Variants in GAST observed in about 807,000 individuals in gnomAD.
The protein encoded by GAST is gastrin.
Under a neutral mutation model 12.5 loss-of-function variants are expected in GAST, and 9 were observed. The observed-to-expected ratio is 0.72, with a 90% confidence interval of 0.43 to 1.25. The LOEUF (loss-of-function observed/expected upper bound fraction) is 1.25. GAST is among the 50% of genes most tolerant of loss of function. The probability of loss-of-function intolerance (pLI) is 0.00; values close to 1 mark genes in which losing one functional copy is unlikely to be tolerated. For missense variants in GAST, 121 were observed against 127.7 expected (o/e 0.95, Z 0.25); for synonymous variants, 52 against 51.1 (o/e 1.02, Z -0.08).
rs1910956179 is a variant in GAST at position 41,715,540 on chromosome 17, G to A, written c.104G>A (p.Gly35Asp). The A allele has an allele frequency of 6.2e-7, 1 of 1,613,378 alleles. No homozygotes were observed. The highest frequency in any genetic ancestry group is 1.7e-5 in the Admixed American group (1 of 59,992). ...PRSQQPDAPL[G>D]TGANRDLELP... ...TCCCAGCAGCCAGATGCACCCTTAG[G>A]TACAGGGGCCAACAGGGACCTGGAG... Residue 35 changes from glycine (G) to aspartate (D), a missense_variant, in exon 2 of 3, where the codon GGT becomes GAT. By Grantham distance (94) the Gly-to-Asp change is moderately conservative. Coordinates refer to ENST00000329402, the MANE Select transcript of GAST (RefSeq NM_000805.5).
At chr17:41,714,660 A>G (rs1555585589) in intron 1 of GAST, among the ~76,000 whole-genome samples, 2 of 152,098 alleles carry the variant, frequency 1.3e-5, no homozygotes, top group Non-Finnish European at 2.9e-5. Context: ...CTGTAGTCCC[A>G]GCTCTTCTGG....
chr17:41,714,189 T>G (rs1176023013), intron 1 of GAST, among the ~76,000 whole-genome samples: 1 of 152,192 alleles, frequency 6.6e-6, no homozygotes, highest in Non-Finnish European at 1.5e-5. Context: ...TTTTGTTTTT[T>G]TGAGACAGGG....
At chr17:41,715,341 A>T in intron 1 of GAST, 91 bp from the exon 2 acceptor site, 1 of 880,902 alleles carries the variant, frequency 1.1e-6, no homozygotes, top group Non-Finnish European at 1.8e-6. Context: ...ATCAGCAGGT[A>T]GAGGCCTGGA....
Position 41,715,486 on chromosome 17 carries a change from C to A in GAST, c.50C>A (p.Ala17Asp), listed in dbSNP as rs782085786. ...CTGATCTTTGCACTGGCTCTGGCCGCCTTCTCTGAAGCTTCTTGGAAGCCC... is the reference window on the plus strand; with the variant it reads ...CTGATCTTTGCACTGGCTCTGGCCGACTTCTCTGAAGCTTCTTGGAAGCCC... Reference protein sequence around the residue: ...YVLIFALALAAFSEASWKPRS... With the variant: ...YVLIFALALADFSEASWKPRS... Residue 17 changes from alanine (A) to aspartate (D), a missense_variant, in exon 2 of 3, where the codon GCC (alanine) becomes GAC (aspartate). Transcript: ENST00000329402. 3 of 1,613,862 alleles carry A rather than the reference C, an allele frequency of 1.9e-6. No individual in the cohort carries two copies. The African/African-American group carries it at 4.0e-5, about 22-fold the overall frequency.
At position 41,715,960 on chromosome 17, in the gene GAST, T is replaced by G; in HGVS notation, c.*88T>G. On this transcript the variant is annotated 3_prime_UTR_variant, in exon 3 of 3. Transcript: ENST00000329402. ...AAAAACTGATCAAAAATAAACTAGT[T>G]TCCAGTGGATCAATGGACTGTGTCA... The G allele has an allele frequency of 1.5e-5, 14 of 957,388 alleles. No homozygotes were observed. Among genetic ancestry groups the G allele is most frequent in the East Asian group, 2.6e-5 (1 of 38,878 alleles). The allele number at this position is 957,388 out of a possible 1,614,324, so 59.3% of individuals were successfully genotyped here. A position where few individuals can be genotyped will look rare whatever the true frequency, so the allele number is the denominator to read the frequency against.
chr17:41,715,841 T>A lies in GAST; in HGVS notation c.275T>A (p.Phe92Tyr), dbSNP rs1180560889. 7 of 1,611,646 alleles carry A rather than the reference T, an allele frequency of 4.3e-6. No individual in the cohort carries two copies. The East Asian group carries it at 1.6e-4, about 36-fold the overall frequency. ...GAAGAAGCCTATGGATGGATGGACT[T>A]CGGCCGCCGCAGTGCTGAGGATGAG... is the stretch of plus-strand genomic sequence containing the variant. The part of the protein sequence containing the change: ...EEEEAYGWMD[F>Y]GRRSAEDEN The change falls in exon 3 of 3, where the codon TTC (phenylalanine) becomes TAC (tyrosine). Residue 92 changes from phenylalanine (F) to tyrosine (Y), a missense_variant. Phe to Tyr is a conservative substitution (Grantham distance 22, BLOSUM62 3). Coordinates refer to ENST00000329402, the MANE Select transcript of GAST (RefSeq NM_000805.5).
At chr17:41,713,380 A>T (rs1910899732) in intron 1 of GAST, among the ~76,000 whole-genome samples, 2 of 152,242 alleles carry the variant, frequency 1.3e-5, no homozygotes, top group South Asian at 4.1e-4. Flanking sequence ...AGAAAACCTA[A>T]CAGAAAACCT....
At position 41,715,830 on chromosome 17, in the gene GAST, A is replaced by T. The variant is rs535385347; in HGVS notation, c.264A>T (p.Gly88=). 1.2e-6 allele frequency: 2 copies of T among 1,612,722 alleles called. No homozygotes were observed. Among genetic ancestry groups the T allele is most frequent in the African/African-American group, 2.7e-5 (2 of 74,892 alleles). ...PWLEEEEEAY[G]WMDFGRRSAE... is the part of the protein sequence containing the mutation. ...TGGAGGAAGAAGAAGAAGCCTATGG[A>T]TGGATGGACTTCGGCCGCCGCAGTG... The change falls in exon 3 of 3, where the codon GGA becomes GGT. Residue 88 remains glycine, a synonymous_variant. Coordinates refer to ENST00000329402, the MANE Select transcript of GAST (RefSeq NM_000805.5).
intron 1 of GAST, among the ~76,000 whole-genome samples, chr17:41,714,384 G>C (rs1910921924): frequency 6.6e-6 from 1 of 152,052 alleles, no homozygotes; most frequent in Admixed American, 6.6e-5. Flanking sequence ...TGTTGCCCAG[G>C]CTGGTCTCAA....
At chr17:41,713,530 A>C (rs1555585448) in intron 1 of GAST, among the ~76,000 whole-genome samples, 1 of 152,012 alleles carries the variant, frequency 6.6e-6, no homozygotes, top group East Asian at 1.9e-4. Context: ...ATCTCTACTA[A>C]AAATAAAAAC....
In GAST at chr17:41,715,854, T is replaced by C. The variant is rs1910969996; in HGVS notation, c.288T>C (p.Ser96=). 6 of 1,608,016 alleles carry C rather than the reference T, an allele frequency of 3.7e-6. No individual in the cohort carries two copies. The highest frequency in any genetic ancestry group is 4.2e-6 in the Non-Finnish European group (5 of 1,178,012). The stretch of plus-strand genomic sequence containing the variant: ...GATGGATGGACTTCGGCCGCCGCAG[T>C]GCTGAGGATGAGAACTAACAATCCT... The part of the protein sequence containing the change: ...AYGWMDFGRR[S]AEDEN Residue 96 remains serine (S), a synonymous_variant, in exon 3 of 3, where the codon AGT becomes AGC. Coordinates refer to ENST00000329402, the MANE Select transcript of GAST (RefSeq NM_000805.5).
At chr17:41,712,448 C>G (rs1024162200) in intron 1 of GAST, 61 bp downstream of exon 1, 1 of 152,314 alleles carries the variant, frequency 6.6e-6, no homozygotes, top group Admixed American at 6.5e-5. Flanking sequence ...TCCTCTCCCC[C>G]ATCAAGGTAC....
chr17:41,715,795 G>A lies in GAST; in HGVS notation c.229G>A (p.Gly77Arg). Residue 77 changes from glycine (G) to arginine (R), a missense_variant, in exon 3 of 3, where the codon GGA (glycine) becomes AGA (arginine). Transcript: ENST00000329402. ...CTCCTCAGACCCGTCCAAGAAGCAG[G>A]GACCATGGCTGGAGGAAGAAGAAGA... Reference protein sequence around the residue: ...HLVADPSKKQGPWLEEEEEAY... With the variant: ...HLVADPSKKQRPWLEEEEEAY... 3 of 1,610,550 alleles carry A rather than the reference G, an allele frequency of 1.9e-6. No homozygotes were observed. Among genetic ancestry groups the A allele is most frequent in the Non-Finnish European group, 2.5e-6 (3 of 1,178,950 alleles).
intron 1 of GAST, among the ~76,000 whole-genome samples, chr17:41,714,607 AC>A (rs562152710): frequency 6.4e-4 from 97 of 150,882 alleles, no homozygotes; most frequent in African/African-American, 2.3e-3. Flanking sequence ...CCCTGTTTCT[AC>A]AAAAAATACA....
intron 1 of GAST, among the ~76,000 whole-genome samples, chr17:41,714,100 A>C (rs1555585525): frequency 1.3e-5 from 2 of 152,212 alleles, no homozygotes; most frequent in African/African-American, 4.8e-5. Context: ...GCAGTCTCCA[A>C]AGTGATAACA....
At chr17:41,714,512 C>A (rs1439010645) in intron 1 of GAST, among the ~76,000 whole-genome samples, 3 of 152,058 alleles carry the variant, frequency 2.0e-5, no homozygotes, top group African/African-American at 7.2e-5. Context: ...TGGCTCACAT[C>A]TGTAATCGCA....
chr17:41,715,489 T>A lies in GAST; in HGVS notation c.53T>A (p.Phe18Tyr). The change falls in exon 2 of 3, where the codon TTC (phenylalanine) becomes TAC (tyrosine). Residue 18 changes from phenylalanine to tyrosine, a missense_variant. Transcript: ENST00000329402. ...ATCTTTGCACTGGCTCTGGCCGCCTTCTCTGAAGCTTCTTGGAAGCCCCGC... is the reference window on the plus strand; with the variant it reads ...ATCTTTGCACTGGCTCTGGCCGCCTACTCTGAAGCTTCTTGGAAGCCCCGC... Reference protein sequence around the residue: ...VLIFALALAAFSEASWKPRSQ... With the variant: ...VLIFALALAAYSEASWKPRSQ... 4 of 1,613,908 alleles carry A rather than the reference T, an allele frequency of 2.5e-6. No individual in the cohort carries two copies. Among genetic ancestry groups the A allele is most frequent in the Non-Finnish European group, 3.4e-6 (4 of 1,180,008 alleles).
Position 41,715,231 on chromosome 17 carries a change from C to T in GAST, c.-5-201C>T, listed in dbSNP as rs547151182. On this transcript the variant is annotated intron_variant, in intron 1 of 2. Coordinates refer to ENST00000329402, the MANE Select transcript of GAST (RefSeq NM_000805.5). Reference sequence around the variant, plus strand: ...AGGAGAATCACTTGAACCCGGGAGGCGGAGGTTATAGTGAGCCGAGATCCC... The same window carrying T: ...AGGAGAATCACTTGAACCCGGGAGGTGGAGGTTATAGTGAGCCGAGATCCC... Among the ~76,000 whole-genome samples the T allele has an allele frequency of 6.7e-5, 10 of 150,362 alleles. No individual in the cohort carries two copies. The South Asian group carries it at 1.1e-3, about 16-fold the overall frequency.
Position 41,715,955 on chromosome 17 carries a change from C to T in GAST, c.*83C>T, listed in dbSNP as rs782698420. On this transcript the variant is annotated 3_prime_UTR_variant, in exon 3 of 3. Transcript: ENST00000329402. The stretch of plus-strand genomic sequence containing the variant: ...CCCTGAAAAACTGATCAAAAATAAA[C>T]TAGTTTCCAGTGGATCAATGGACTG... The T allele has an allele frequency of 5.4e-6, 6 of 1,111,416 alleles. No homozygotes were observed. The South Asian group carries it at 6.2e-5, about 11-fold the overall frequency. 68.8% of individuals were successfully genotyped at this position (1,111,416 alleles called of 1,614,324 possible). A position where few individuals can be genotyped will look rare whatever the true frequency, so the allele number is the denominator to read the frequency against.
Sources: allele counts gnomAD v4.1 joint callset (sites outside exome capture counted in the v4.1 genomes callset), GRCh38; gene constraint gnomAD v4.1.1; transcripts MANE v1.5; gene names NCBI Gene and HGNC (gene_info 2026-07-23, HGNC 2026-07-21).